The following GSE1 variants were observed in gnomAD, a reference collection of about 807,000 sequenced individuals.
GSE1 encodes the protein Gse1 coiled-coil protein, also known as genetic suppressor element 1.
In GSE1, 32 loss-of-function variants were observed where a neutral mutation model predicts 112.6. The ratio of observed to expected loss-of-function variants is 0.28; its 90% CI spans 0.21 to 0.38. GSE1 has a LOEUF of 0.38. GSE1 is among the 10% of genes least tolerant of loss of function. The pLI, the probability that GSE1 is intolerant of heterozygous loss-of-function variation, is 1.00. For synonymous variants in GSE1, 1,115 were observed against 735.6 expected, an observed-to-expected ratio of 1.52 and a Z score of -8.35; for missense variants, 2,348 against 1,699.2, an observed-to-expected ratio of 1.38 and a Z score of -6.71.
chr16:85,211,005 G>T (rs1322663799), intron 1 of GSE1, among the ~76,000 whole-genome samples: 1 of 152,238 alleles, frequency 6.6e-6, no homozygotes, highest in African/African-American at 2.4e-5. Flanking sequence ...CACAGGTGAG[G>T]ACTGTGCCAC....
At chr16:85,604,903 C>T (rs190568838) in intron 1 of GSE1, among the ~76,000 whole-genome samples, 5,418 of 109,898 alleles carry the variant, frequency 0.049, 523 homozygotes, top group African/African-American at 0.18. Context: ...CTGCAAGCTC[C>T]GCCTCCCGGG....
chr16:85,469,264 A>AT (rs763235606), intron 2 of GSE1, among the ~76,000 whole-genome samples: 2 of 150,312 alleles, frequency 1.3e-5, no homozygotes, highest in Non-Finnish European at 2.9e-5. Context: ...AAAAAAAAAA[A>AT]GAAGTGGGCC....
intron 1 of GSE1, among the ~76,000 whole-genome samples, chr16:85,574,435 G>A (rs1198500743): frequency 1.3e-5 from 2 of 152,166 alleles, no homozygotes; most frequent in African/African-American, 2.4e-5. Flanking sequence ...CCACCTGTCT[G>A]CTATCCCATC....
At chr16:85,634,317 C>T (rs543141228) in intron 2 of GSE1, among the ~76,000 whole-genome samples, 185 bp downstream of exon 2, 24 of 152,372 alleles carry the variant, frequency 1.6e-4, no homozygotes, top group Admixed American at 1.1e-3. Context: ...CCAGCACCTC[C>T]GCTTTGCCTC....
rs952172829 is a variant in GSE1 at position 85,673,259 on chromosome 16, T to C, written c.*720T>C. ...CACACCCACCAGATTGTTACTACAGTGGGTTGGGTTTTCATACAGACGTAA... is the reference window on the plus strand; with the variant it reads ...CACACCCACCAGATTGTTACTACAGCGGGTTGGGTTTTCATACAGACGTAA... On this transcript the variant is annotated 3_prime_UTR_variant, in exon 16 of 16. Coordinates refer to ENST00000253458, the MANE Select transcript of GSE1 (RefSeq NM_014615.5). 2 of 152,476 alleles carry C rather than the reference T, an allele frequency of 1.3e-5. No individual in the cohort carries two copies. The highest frequency in any genetic ancestry group is 2.9e-5 in the Non-Finnish European group (2 of 68,018). 9.4% of individuals were successfully genotyped at this position (152,476 alleles called of 1,614,324 possible).
rs545640178 is a variant in GSE1 at position 85,663,650 on chromosome 16, C to A, written c.2644+36C>A. The A allele has an allele frequency of 5.9e-5, 94 of 1,585,752 alleles. No individual in the cohort carries two copies. In the South Asian group the frequency reaches 9.8e-4, roughly 16 times the overall value. ...GCCTGGGTAGGAAGGTGGGGGCTCA[C>A]TGGGGTGGAAGTGGGTTTCTGAAGC... On this transcript the variant is annotated intron_variant, in intron 11 of 15. Coordinates refer to ENST00000253458, the MANE Select transcript of GSE1 (RefSeq NM_014615.5).
chr16:85,639,993 C>T (rs2050312002), intron 2 of GSE1, among the ~76,000 whole-genome samples: 3 of 152,286 alleles, frequency 2.0e-5, no homozygotes, highest in South Asian at 2.1e-4. Context: ...GATCGTGCTG[C>T]GGGCCTTTGC....
At position 85,628,386 on chromosome 16, in the gene GSE1, T is replaced by C. The variant is rs552304698; in HGVS notation, c.8-5528T>C. Among the ~76,000 whole-genome samples the C allele has an allele frequency of 7.3e-4, 111 of 152,258 alleles. 1 individual carries two copies. The highest frequency in any genetic ancestry group is 6.8e-3 in the Middle Eastern group (2 of 294). ...GACCCAGGGAGACTGTACCTGGGGC[T>C]GGAGGGGGCCCATGGGGCCCGGGGA... On this transcript the variant is annotated intron_variant, in intron 1 of 15. Coordinates refer to ENST00000253458, the MANE Select transcript of GSE1 (RefSeq NM_014615.5).
At chr16:85,291,831 C>T (rs577672416) in intron 1 of GSE1, among the ~76,000 whole-genome samples, 6 of 152,314 alleles carry the variant, frequency 3.9e-5, no homozygotes, top group South Asian at 4.1e-4. Context: ...CCCATCCCCC[C>T]GCCAGCACAA....
In GSE1 at chr16:85,312,205, G is replaced by GGA. The variant is rs1491433646; in HGVS notation, c.2284-45257_2284-45256insAG. On this transcript the variant is annotated intron_variant, in intron 1 of 2. Transcript: ENST00000637419. ...TCTGTGGTCTCTCTGATCCTCTTGC[G>GGA]GGGGGGGGGGGGACACACTTACCCC... Among the ~76,000 whole-genome samples, 2 of 72,928 alleles carry GGA rather than the reference G, an allele frequency of 2.7e-5. 1 individual carries two copies. Among genetic ancestry groups the GGA allele is most frequent in the African/African-American group, 1.7e-4 (2 of 11,852 alleles). The allele number at this position is 72,928 out of a possible 152,430, so 47.8% of individuals were successfully genotyped here.
chr16:85,261,049 C>A (rs1907632606), intron 1 of GSE1, among the ~76,000 whole-genome samples: 1 of 152,202 alleles, frequency 6.6e-6, no homozygotes, highest in Admixed American at 6.5e-5. Flanking sequence ...GGGTCCTGGC[C>A]TCTCTCGGGT....
In GSE1 at chr16:85,285,005, C is replaced by G. The variant is rs1199907147; in HGVS notation, c.2284-72458C>G. ...CTGTGGTCATCGTTTCAGGCAAAAC[C>G]ATCAACGGATGCTGACATCAGCGAG... On this transcript the variant is annotated intron_variant, in intron 1 of 2. Coordinates refer to the GSE1 transcript ENST00000637419. The G allele has an allele frequency of 2.0e-5, 3 of 152,238 alleles. No homozygotes were observed. In the East Asian group the frequency reaches 5.8e-4, roughly 29 times the overall value. 9.4% of individuals were successfully genotyped at this position (152,238 alleles called of 1,614,324 possible). A position where few individuals can be genotyped will look rare whatever the true frequency, so the allele number is the denominator to read the frequency against.
At chr16:85,201,651 C>CA (rs60277500) in intron 1 of GSE1, among the ~76,000 whole-genome samples, 6,652 of 141,728 alleles carry the variant, frequency 0.047, 199 homozygotes, top group East Asian at 0.13. Flanking sequence ...GACTCCGTCT[C>CA]AAAAAAAAAA....
intron 1 of GSE1, among the ~76,000 whole-genome samples, chr16:85,193,403 C>T (rs762524634): frequency 1.3e-5 from 2 of 152,066 alleles, no homozygotes; most frequent in Non-Finnish European, 2.9e-5. Context: ...AGTACAGTGG[C>T]ATATCATAGC....
At chr16:85,448,055 G>A (rs756440556) in intron 2 of GSE1, among the ~76,000 whole-genome samples, 4 of 152,182 alleles carry the variant, frequency 2.6e-5, no homozygotes, top group Non-Finnish European at 5.9e-5. Flanking sequence ...GGCAGCCAGC[G>A]AGGGCTCATC....
intron 8 of GSE1, among the ~76,000 whole-genome samples, chr16:85,659,883 C>T (rs2151950892): frequency 6.6e-6 from 1 of 152,342 alleles, no homozygotes; most frequent in East Asian, 1.9e-4. Flanking sequence ...GAGGCCTCTG[C>T]CACAGGCCAC....
At chr16:85,328,239 C>T (rs970339744) in intron 1 of GSE1, among the ~76,000 whole-genome samples, 3 of 152,210 alleles carry the variant, frequency 2.0e-5, no homozygotes, top group African/African-American at 4.8e-5. Context: ...CCACAGCAAG[C>T]CCCCAGACGG....
intron 2 of GSE1, among the ~76,000 whole-genome samples, chr16:85,522,802 G>A (rs1415511526): frequency 2.0e-5 from 3 of 152,102 alleles, no homozygotes; most frequent in Non-Finnish European, 4.4e-5. Context: ...GGGTGTGAAT[G>A]TGTGTTGGAT....
intron 1 of GSE1, among the ~76,000 whole-genome samples, chr16:85,177,318 T>G (rs935872772): frequency 6.6e-6 from 1 of 152,212 alleles, no homozygotes; most frequent in Non-Finnish European, 1.5e-5. Flanking sequence ...CTGGGCACCT[T>G]TTATTGGCTG....
Sources: gnomAD v4.1 joint callset for allele counts (sites outside exome capture counted in the v4.1 genomes callset) on GRCh38, gnomAD v4.1.1 for gene constraint, MANE v1.5 for transcripts, NCBI Gene and HGNC (gene_info 2026-07-23, HGNC 2026-07-21) for gene names.